Variants in TENM3 observed in about 807,000 individuals in gnomAD.
TENM3 encodes the protein teneurin transmembrane protein 3.
A neutral mutation model predicts 255.1 loss-of-function variants in TENM3; 63 were observed. The observed-to-expected ratio is 0.25, with a 90% CI of 0.20 to 0.30. The LOEUF (loss-of-function observed/expected upper bound fraction) is 0.30, where lower values mean the gene tolerates loss of function less well. Among genes scored for constraint, TENM3 ranks in the 10% least tolerant of loss-of-function variants. The pLI is 1.00. For missense variants in TENM3, 2,929 were observed against 3,461.1 expected, an observed-to-expected ratio of 0.85 and a Z score of 3.86; for synonymous variants, 1,306 against 1,322.3, an observed-to-expected ratio of 0.99 and a Z score of 0.27.
the TENM3 span, among the ~76,000 whole-genome samples, chr4:181,467,432 G>A: frequency 6.6e-6 from 1 of 151,556 alleles, no homozygotes; most frequent in African/African-American, 2.4e-5. Flanking sequence ...ACCGCACCCG[G>A]CCTACTAGTA....
the TENM3 span, among the ~76,000 whole-genome samples, chr4:182,113,630 T>G: frequency 6.6e-6 from 1 of 152,116 alleles, no homozygotes; most frequent in Non-Finnish European, 1.5e-5. Flanking sequence ...GTAAAGTTAG[T>G]CTGAAACAAG....
the TENM3 span, among the ~76,000 whole-genome samples, chr4:181,935,310 T>C: frequency 6.6e-6 from 1 of 152,226 alleles, no homozygotes; most frequent in Non-Finnish European, 1.5e-5. Flanking sequence ...CATTACAACT[T>C]CTTTACAATG....
chr4:181,601,481 A>C, the TENM3 span, among the ~76,000 whole-genome samples: 1 of 152,106 alleles, frequency 6.6e-6, no homozygotes, highest in Non-Finnish European at 1.5e-5. Context: ...CTATGTCCTC[A>C]TATCATCAGC....
the TENM3 span, among the ~76,000 whole-genome samples, chr4:181,803,704 C>T: frequency 6.6e-6 from 1 of 151,860 alleles, no homozygotes; most frequent in Admixed American, 6.6e-5. Context: ...ATGGCTCATG[C>T]CTTTAATCAT....
At chr4:182,284,007 A>C (rs1667859458) in intron 1 of TENM3, among the ~76,000 whole-genome samples, 1 of 152,148 alleles carries the variant, frequency 6.6e-6, no homozygotes, top group Admixed American at 6.5e-5. Context: ...TTTGTGGTAT[A>C]ATTTTTCTGC....
At chr4:182,463,914 G>A (rs1408077432) in intron 3 of TENM3, among the ~76,000 whole-genome samples, 2 of 151,994 alleles carry the variant, frequency 1.3e-5, no homozygotes, top group Non-Finnish European at 2.9e-5. Flanking sequence ...GAGCCACCGT[G>A]CCCAGCCGTA....
chr4:182,802,439 T>C lies in TENM3; in HGVS notation c.*2088T>C, dbSNP rs1479735067. On this transcript the variant is annotated 3_prime_UTR_variant, in exon 28 of 28. Transcript: ENST00000511685. The stretch of plus-strand genomic sequence containing the variant: ...TCCGTGGAACTTCTGCAGGCCTGTA[T>C]TTAGCATGCTGTAAGTACTTTTGGG... The C allele has an allele frequency of 3.3e-5, 5 of 152,664 alleles. No homozygotes were observed. Among genetic ancestry groups the C allele is most frequent in the Non-Finnish European group, 7.3e-5 (5 of 68,044 alleles). The allele number at this position is 152,664 out of a possible 1,614,324, so 9.5% of individuals were successfully genotyped here.
chr4:181,457,175 T>C, the TENM3 span, among the ~76,000 whole-genome samples: 1 of 151,826 alleles, frequency 6.6e-6, no homozygotes, highest in Non-Finnish European at 1.5e-5. Context: ...GATTTTAAAA[T>C]AGTGAAAGTG....
chr4:181,849,949 T>TCTCTCTCTCACACA, the TENM3 span, among the ~76,000 whole-genome samples: 265 of 65,962 alleles, frequency 4.0e-3, 4 homozygotes, highest in Admixed American at 0.016. Flanking sequence ...TCTCTCTCTC[T>TCTCTCTCTCACACA]CACACACACA....
the TENM3 span, among the ~76,000 whole-genome samples, chr4:181,481,809 C>T: frequency 1.9e-4 from 29 of 152,240 alleles, no homozygotes; most frequent in South Asian, 5.4e-3. Context: ...ATGTGTCTAG[C>T]ACATAGTAAG....
At chr4:181,956,453 T>A in the TENM3 span, among the ~76,000 whole-genome samples, 1 of 152,202 alleles carries the variant, frequency 6.6e-6, no homozygotes, top group African/African-American at 2.4e-5. Context: ...GTATGTTCCA[T>A]GAGGGCAGGT....
the TENM3 span, among the ~76,000 whole-genome samples, chr4:181,829,494 A>T: frequency 6.6e-6 from 1 of 152,122 alleles, no homozygotes; most frequent in East Asian, 1.9e-4. Flanking sequence ...ATGTGTAGAA[A>T]CTCAATGTAG....
chr4:182,325,604 G>A (rs1763341411), intron 2 of TENM3, among the ~76,000 whole-genome samples: 1 of 152,138 alleles, frequency 6.6e-6, no homozygotes, highest in Non-Finnish European at 1.5e-5. Flanking sequence ...TGTCTGCACA[G>A]CTGAAATAGA....
the TENM3 span, among the ~76,000 whole-genome samples, chr4:181,471,512 G>C: frequency 6.6e-6 from 1 of 152,082 alleles, no homozygotes; most frequent in Non-Finnish European, 1.5e-5. Context: ...GGCATGGTGA[G>C]GTTAAGACAA....
the TENM3 span, among the ~76,000 whole-genome samples, chr4:181,569,157 GC>G: frequency 6.6e-6 from 1 of 152,000 alleles, no homozygotes; most frequent in Non-Finnish European, 1.5e-5. Context: ...ACATAGTGAG[GC>G]CCCCGTCTCT....
At chr4:181,751,490 C>A in the TENM3 span, among the ~76,000 whole-genome samples, 2 of 151,876 alleles carry the variant, frequency 1.3e-5, no homozygotes, top group Admixed American at 6.6e-5. Context: ...TCTTCTATGA[C>A]CCATTCTAGG....
In TENM3 at chr4:182,336,482, TGA is replaced by T. The variant is rs1163586461; in HGVS notation, c.233-10165_233-10164del. Among the ~76,000 whole-genome samples, 3 of 152,298 alleles carry T rather than the reference TGA, an allele frequency of 2.0e-5. No homozygotes were observed. In the East Asian group the frequency reaches 5.8e-4, roughly 29 times the overall value. On this transcript the variant is annotated intron_variant, in intron 2 of 27. Transcript: ENST00000511685. ...GCAAAATATTCACAGAGGGTGCATT[TGA>T]GAGTGGGGCTGTGAAGGAACACCTT...
intron 3 of TENM3, among the ~76,000 whole-genome samples, chr4:182,389,367 T>C (rs1768240551): frequency 8.2e-6 from 1 of 121,744 alleles, no homozygotes; most frequent in Non-Finnish European, 1.7e-5. Context: ...ATAAGCCAAT[T>C]TGGGTTTGGT....
intron 22 of TENM3, among the ~76,000 whole-genome samples, chr4:182,761,280 G>C (rs546243166): frequency 6.6e-6 from 1 of 152,034 alleles, no homozygotes; most frequent in Admixed American, 6.6e-5. Flanking sequence ...TTAGCCGGGC[G>C]TGGTGGCACT....
Sources: allele counts gnomAD v4.1 joint callset (sites outside exome capture counted in the v4.1 genomes callset), GRCh38; gene constraint gnomAD v4.1.1; transcripts MANE v1.5; gene names NCBI Gene and HGNC (gene_info 2026-07-23, HGNC 2026-07-21).